Variants in PCSK5 observed in about 807,000 individuals in gnomAD.
The protein encoded by PCSK5 is proprotein convertase subtilisin/kexin type 5, also known as prohormone convertase 5.
PCSK5 carries 129 observed loss-of-function variants against 233.2 expected under a neutral mutation model. The ratio of observed to expected loss-of-function variants is 0.55; its 90% CI spans 0.48 to 0.64. PCSK5 has a LOEUF of 0.64. Among genes scored for constraint, PCSK5 ranks in the 30% least tolerant of loss-of-function variants. The pLI, the probability that PCSK5 is intolerant of heterozygous loss-of-function variation, is 0.00. For missense variants in PCSK5, 2,076 were observed against 2,430.1 expected (o/e 0.85, Z 3.06); for synonymous variants, 825 against 879.2 (o/e 0.94, Z 1.09).
intron 24 of PCSK5, among the ~76,000 whole-genome samples, chr9:76,253,057 G>A (rs945088864): frequency 5.3e-5 from 8 of 152,160 alleles, no homozygotes; most frequent in African/African-American, 9.7e-5. Flanking sequence ...CCAGCAGTTT[G>A]TCTCCTTTAA....
intron 5 of PCSK5, among the ~76,000 whole-genome samples, chr9:76,043,304 C>T (rs1829209276): frequency 7.1e-6 from 1 of 140,186 alleles, no homozygotes; most frequent in African/African-American, 2.6e-5. Flanking sequence ...CCACTGTGCT[C>T]CAGCCTGGGC....
At chr9:76,098,518 T>C (rs1831628445) in intron 8 of PCSK5, among the ~76,000 whole-genome samples, 1 of 152,222 alleles carries the variant, frequency 6.6e-6, no homozygotes, top group South Asian at 2.1e-4. Flanking sequence ...GTGACATCCA[T>C]CAGTCCTGCA....
At chr9:76,008,613 C>T (rs548074495) in intron 3 of PCSK5, among the ~76,000 whole-genome samples, 95 of 152,174 alleles carry the variant, frequency 6.2e-4, no homozygotes, top group African/African-American at 2.2e-3. Flanking sequence ...AAGCGTGAGC[C>T]GCCACACCCA....
At chr9:76,312,579 A>C (rs1350995301) in intron 30 of PCSK5, among the ~76,000 whole-genome samples, 1 of 152,032 alleles carries the variant, frequency 6.6e-6, no homozygotes, top group Non-Finnish European at 1.5e-5. Context: ...TTCATTACTG[A>C]GATAGACTCT....
intron 21 of PCSK5, among the ~76,000 whole-genome samples, chr9:76,229,196 G>A (rs1360338037): frequency 2.0e-5 from 3 of 152,180 alleles, no homozygotes; most frequent in African/African-American, 7.2e-5. Context: ...CTTACTCTAA[G>A]ATACAGATAG....
rs189609306 is a variant in PCSK5 at position 75,958,930 on chromosome 9, G to A, written c.297+26447G>A. ...CAAGGAATTGGTAATCTAGAGGGCT[G>A]ATAGACACAGAAGCTGACATTGTGG... On this transcript the variant is annotated intron_variant, in intron 2 of 37. Coordinates refer to ENST00000674117, the MANE Select transcript of PCSK5 (RefSeq NM_001372043.1). 6.9e-3 allele frequency among the ~76,000 whole-genome samples: 1,047 copies of A among 152,344 alleles called. 7 individuals carry two copies. The highest frequency in any genetic ancestry group is 8.6e-3 in the Non-Finnish European group (582 of 68,042).
At chr9:76,163,859 C>CTTTTTTTTT (rs67386134) in intron 12 of PCSK5, among the ~76,000 whole-genome samples, 15 of 97,878 alleles carry the variant, frequency 1.5e-4, no homozygotes, top group East Asian at 3.1e-4. Context: ...AAAAAGCTGT[C>CTTTTTTTTT]TTTTTTTTTT....
At chr9:76,294,651 T>A (rs1828380797) in intron 25 of PCSK5, among the ~76,000 whole-genome samples, 1 of 152,110 alleles carries the variant, frequency 6.6e-6, no homozygotes, top group Non-Finnish European at 1.5e-5. Context: ...ATATCTACCA[T>A]ACGAGATTTG....
At chr9:76,340,010 G>C (rs2453461) in intron 35 of PCSK5, among the ~76,000 whole-genome samples, 129,818 of 152,062 alleles carry the variant, frequency 0.85, 55,598 homozygotes, top group South Asian at 0.9. Flanking sequence ...ACTCAATGCT[G>C]TAGGGAACTC....
At chr9:76,239,214 G>A (rs1339631341) in intron 23 of PCSK5, 49 bp downstream of exon 23, 1 of 1,446,714 alleles carries the variant, frequency 6.9e-7, no homozygotes, top group East Asian at 2.5e-5. Flanking sequence ...TGGGAGGAGG[G>A]GCTGCACCCT....
chr9:76,090,268 CT>C (rs558738023), intron 7 of PCSK5, among the ~76,000 whole-genome samples: 123 of 149,844 alleles, frequency 8.2e-4, no homozygotes, highest in African/African-American at 2.6e-3. Flanking sequence ...TCTTAAATTA[CT>C]TTTTTTTTTG....
chr9:76,320,206 C>T (rs1168699219), intron 30 of PCSK5, among the ~76,000 whole-genome samples: 2 of 151,986 alleles, frequency 1.3e-5, no homozygotes, highest in African/African-American at 4.8e-5. Context: ...CTAATAAGCA[C>T]CGTAGGCTGG....
At chr9:76,024,808 G>A (rs962954893) in intron 4 of PCSK5, among the ~76,000 whole-genome samples, 9 of 152,146 alleles carry the variant, frequency 5.9e-5, no homozygotes, top group Non-Finnish European at 1.3e-4. Context: ...GAGAAAGCAC[G>A]TTCGGTAACA....
At chr9:76,143,652 T>A (rs1016065315) in intron 10 of PCSK5, among the ~76,000 whole-genome samples, 1 of 152,126 alleles carries the variant, frequency 6.6e-6, no homozygotes, top group Non-Finnish European at 1.5e-5. Flanking sequence ...AGCGACATTT[T>A]TTATCATCTC....
intron 24 of PCSK5, among the ~76,000 whole-genome samples, chr9:76,270,870 GA>G (rs1471182218): frequency 1.3e-5 from 2 of 152,112 alleles, no homozygotes; most frequent in African/African-American, 4.8e-5. Flanking sequence ...AAAATCATAG[GA>G]AGAGAAGTTC....
At chr9:76,332,883 A>G (rs1004753384) in intron 34 of PCSK5, among the ~76,000 whole-genome samples, 1 of 152,222 alleles carries the variant, frequency 6.6e-6, no homozygotes, top group Non-Finnish European at 1.5e-5. Context: ...TGAAAATTCA[A>G]AGCATATTGG....
rs12377009 is a variant in PCSK5, at chr9:76,238,951, C to T, written c.2867-8C>T. 1 of 1,607,508 alleles carries T rather than the reference C, an allele frequency of 6.2e-7. No individual in the cohort carries two copies. On this transcript the variant is annotated splice_region_variant and splice_polypyrimidine_tract_variant and intron_variant, in intron 22 of 37. Coordinates refer to ENST00000674117, the MANE Select transcript of PCSK5 (RefSeq NM_001372043.1). ...TTCCCTCTTTTCGTTGCCCCTGTAA[C>T]TGATCAGACAACTATGGCCGAGAGC...
chr9:76,210,937 G>T (rs976768763), intron 20 of PCSK5, among the ~76,000 whole-genome samples: 3 of 152,164 alleles, frequency 2.0e-5, no homozygotes, highest in African/African-American at 7.2e-5. Context: ...ACTCCCTGGC[G>T]CAGGCTCCCC....
rs889794467 is a variant in PCSK5, at chr9:76,023,014, G to A, written c.412-724G>A. Among the ~76,000 whole-genome samples, 93 of 152,156 alleles carry A rather than the reference G, an allele frequency of 6.1e-4. 1 individual carries two copies. The highest frequency in any genetic ancestry group is 7.6e-4 in the Non-Finnish European group (52 of 68,028). On this transcript the variant is annotated intron_variant, in intron 3 of 37. Coordinates refer to ENST00000674117, the MANE Select transcript of PCSK5 (RefSeq NM_001372043.1). ...TACAGAGAAGCTGCCTGAGTGGTTC[G>A]ATTTGTAGCTGGATGGGCTTCTAGG...
Sources: gnomAD v4.1 joint callset for allele counts (sites outside exome capture counted in the v4.1 genomes callset) on GRCh38, gnomAD v4.1.1 for gene constraint, MANE v1.5 for transcripts, NCBI Gene and HGNC (gene_info 2026-07-23, HGNC 2026-07-21) for gene names.